The following SAMD12 variants were observed in gnomAD, a reference collection of about 807,000 sequenced individuals.
SAMD12 encodes the protein sterile alpha motif domain-containing protein 12.
A neutral mutation model predicts 15.0 loss-of-function variants in SAMD12; 9 were observed. The ratio of observed to expected loss-of-function variants is 0.60; its 90% CI spans 0.36 to 1.05. SAMD12 has a LOEUF of 1.05. Ranked by LOEUF, SAMD12 falls within the 50% of genes least tolerant of loss-of-function variation. The probability of loss-of-function intolerance (pLI) is 0.01; values close to 1 mark genes in which losing one functional copy is unlikely to be tolerated. For synonymous variants in SAMD12, 86 were observed against 90.1 expected (o/e 0.96, Z 0.25); for missense variants, 230 against 234.2 (o/e 0.98, Z 0.12).
At chr8:118,599,663 G>A (rs561338324) in intron 1 of SAMD12, among the ~76,000 whole-genome samples, 1 of 152,252 alleles carries the variant, frequency 6.6e-6, no homozygotes, top group African/African-American at 2.4e-5. Flanking sequence ...TAACTCTAGG[G>A]CTACAGTGTG....
chr8:118,145,876 G>A, the SAMD12 span, among the ~76,000 whole-genome samples: 1 of 152,180 alleles, frequency 6.6e-6, no homozygotes, highest in African/African-American at 2.4e-5. Flanking sequence ...AAAAGATCGT[G>A]GCCTCAGCTT....
At chr8:118,347,415 C>T (rs1430713322) in intron 4 of SAMD12, among the ~76,000 whole-genome samples, 1 of 152,202 alleles carries the variant, frequency 6.6e-6, no homozygotes, top group East Asian at 1.9e-4. Context: ...CCAGCAGGGG[C>T]CAACCTTGCA....
At chr8:118,387,201 A>G (rs1820011433) in intron 3 of SAMD12, among the ~76,000 whole-genome samples, 1 of 152,224 alleles carries the variant, frequency 6.6e-6, no homozygotes, top group Non-Finnish European at 1.5e-5. Context: ...GGGAACAAAG[A>G]AACAGAGAGG....
chr8:118,289,481 C>G (rs1241065997), intron 4 of SAMD12, among the ~76,000 whole-genome samples: 3 of 152,168 alleles, frequency 2.0e-5, no homozygotes, highest in Non-Finnish European at 4.4e-5. Flanking sequence ...TATGAAGGGT[C>G]TAGGTGGCAT....
intron 4 of SAMD12, among the ~76,000 whole-genome samples, chr8:118,266,793 T>C (rs1027616188): frequency 6.6e-6 from 1 of 151,908 alleles, no homozygotes; most frequent in Non-Finnish European, 1.5e-5. Context: ...TGGAAATTCA[T>C]AGAAGTAGAG....
At chr8:118,590,212 C>A (rs953032077) in intron 1 of SAMD12, among the ~76,000 whole-genome samples, 1 of 152,178 alleles carries the variant, frequency 6.6e-6, no homozygotes, top group African/African-American at 2.4e-5. Flanking sequence ...ATAATAACTG[C>A]TTTACTCAAA....
At chr8:118,333,956 G>T (rs1183102412) in intron 4 of SAMD12, among the ~76,000 whole-genome samples, 2 of 147,860 alleles carry the variant, frequency 1.4e-5, no homozygotes, top group Non-Finnish European at 1.5e-5. Context: ...GTGCACATTG[G>T]CGGGGGGCAG....
intron 4 of SAMD12, among the ~76,000 whole-genome samples, chr8:118,341,905 G>A (rs973273894): frequency 2.6e-5 from 4 of 152,212 alleles, no homozygotes; most frequent in Admixed American, 1.3e-4. Flanking sequence ...TTCTGAAACC[G>A]TCTGTGTGGC....
chr8:118,302,781 T>A (rs1815115424), intron 4 of SAMD12, among the ~76,000 whole-genome samples: 1 of 152,202 alleles, frequency 6.6e-6, no homozygotes, highest in Non-Finnish European at 1.5e-5. Context: ...GGGAAAAAGA[T>A]AGCATAGACT....
chr8:118,172,993 G>A, the SAMD12 span, among the ~76,000 whole-genome samples: 7 of 152,256 alleles, frequency 4.6e-5, no homozygotes, highest in South Asian at 4.1e-4. Flanking sequence ...GGAATCATGC[G>A]ATATTTGTCC....
chr8:118,193,657 G>A (rs1050889233), exon 5 of SAMD12: 1 of 152,116 alleles, frequency 6.6e-6, no homozygotes, highest in Non-Finnish European at 1.5e-5. Flanking sequence ...TCAAGCTTAA[G>A]AAGAAATATT....
At chr8:118,523,549 T>A (rs938578219) in intron 2 of SAMD12, among the ~76,000 whole-genome samples, 2 of 151,702 alleles carry the variant, frequency 1.3e-5, no homozygotes, top group African/African-American at 4.8e-5. Context: ...CATGCCTTTT[T>A]CATTTTGTAG....
intron 2 of SAMD12, among the ~76,000 whole-genome samples, chr8:118,571,634 G>C (rs541517697): frequency 2.2e-4 from 33 of 152,300 alleles, no homozygotes; most frequent in Non-Finnish European, 3.5e-4. Flanking sequence ...GCTGAAAGGA[G>C]CCAACACAGA....
intron 1 of SAMD12, among the ~76,000 whole-genome samples, chr8:118,595,811 A>T (rs1174529046): frequency 1.3e-5 from 2 of 152,170 alleles, no homozygotes; most frequent in African/African-American, 4.8e-5. Flanking sequence ...CTCCTTCCCC[A>T]CAGTAAGATT....
At chr8:118,201,751 C>G (rs1819721796) in intron 4 of SAMD12, among the ~76,000 whole-genome samples, 1 of 152,224 alleles carries the variant, frequency 6.6e-6, no homozygotes, top group South Asian at 2.1e-4. Flanking sequence ...CAACTACTTA[C>G]TCAAGGAAGA....
chr8:118,139,115 A>T, the SAMD12 span, among the ~76,000 whole-genome samples: 1 of 152,134 alleles, frequency 6.6e-6, no homozygotes, highest in African/African-American at 2.4e-5. Flanking sequence ...TGGTATAAGT[A>T]TTAAGTGCAG....
chr8:118,559,523 T>G (rs1826647308), intron 2 of SAMD12, among the ~76,000 whole-genome samples: 1 of 152,194 alleles, frequency 6.6e-6, no homozygotes, highest in African/African-American at 2.4e-5. Context: ...ATACACTTAT[T>G]AGGATTTTTA....
At chr8:118,176,419 C>G in the SAMD12 span, among the ~76,000 whole-genome samples, 1 of 152,124 alleles carries the variant, frequency 6.6e-6, no homozygotes, top group Non-Finnish European at 1.5e-5. Context: ...AATCTAGATG[C>G]TCATCAATGG....
intron 1 of SAMD12, among the ~76,000 whole-genome samples, chr8:118,590,740 A>G (rs1460143938): frequency 6.6e-6 from 1 of 152,238 alleles, no homozygotes; most frequent in East Asian, 1.9e-4. Flanking sequence ...TCAATAGAAA[A>G]TCACTCATAA....
Sources: gnomAD v4.1 joint callset for allele counts (sites outside exome capture counted in the v4.1 genomes callset) on GRCh38, gnomAD v4.1.1 for gene constraint, MANE v1.5 for transcripts, NCBI Gene and HGNC (gene_info 2026-07-23, HGNC 2026-07-21) for gene names.